FAM168A: variants seen among roughly 807,000 people sequenced by gnomAD.
FAM168A encodes family with sequence similarity 168 member A, also known as protein FAM168A.
Under a neutral mutation model 28.5 loss-of-function variants are expected in FAM168A, and 3 were observed. The observed-to-expected ratio is 0.11, with a 90% CI of 0.05 to 0.27. The LOEUF is 0.27. FAM168A is among the 10% of genes least tolerant of loss of function. The pLI is 1.00. For missense variants in FAM168A, 222 were observed against 311.5 expected (o/e 0.71, Z 2.16); for synonymous variants, 122 against 124.2 (o/e 0.98, Z 0.12).
rs557751873 is a variant in FAM168A at position 73,546,719 on chromosome 11, C to A, written c.-19+51204G>T. On this transcript the variant is annotated intron_variant, in intron 1 of 7. Coordinates refer to ENST00000356467, the MANE Select transcript of FAM168A (RefSeq NM_015159.3). ...TGCACTCTAGCCTGGGCAACAAGAGCGAAACTCCATCTCAAAAAAAAAAAA... is the reference window on the plus strand; with the variant it reads ...TGCACTCTAGCCTGGGCAACAAGAGAGAAACTCCATCTCAAAAAAAAAAAA... 2.4e-3 allele frequency among the ~76,000 whole-genome samples: 317 copies of A among 133,656 alleles called. 1 individual carries two copies. Among genetic ancestry groups the A allele is most frequent in the African/African-American group, 8.6e-3 (301 of 34,954 alleles). 87.7% of individuals were successfully genotyped at this position (133,656 alleles called of 152,430 possible).
chr11:73,530,261 C>A (rs116094562), intron 1 of FAM168A, among the ~76,000 whole-genome samples: 1 of 152,182 alleles, frequency 6.6e-6, no homozygotes, highest in Non-Finnish European at 1.5e-5. Flanking sequence ...CAGTTCCAAA[C>A]CAATTCTTCA....
At chr11:73,554,292 T>C (rs781639175) in intron 1 of FAM168A, among the ~76,000 whole-genome samples, 3 of 151,832 alleles carry the variant, frequency 2.0e-5, no homozygotes, top group Non-Finnish European at 4.4e-5. Context: ...ACAGAAGATC[T>C]CGAGCCCAGG....
rs764085458 is a variant in FAM168A at position 73,411,447 on chromosome 11, T to C, written c.367A>G (p.Thr123Ala). The C allele has an allele frequency of 4.3e-6, 7 of 1,613,202 alleles. No homozygotes were observed. The highest frequency in any genetic ancestry group is 5.9e-6 in the Non-Finnish European group (7 of 1,179,610). ...PYSPSPNPYQTAMYPIRSAYP... is the reference protein window; with the variant it reads ...PYSPSPNPYQAAMYPIRSAYP... ...GCACTTCTGATTGGATACATGGCCG[T>C]CTGATAGGGGTTGGGTGATGGGGAG... Residue 123 changes from threonine (T) to alanine (A), a missense_variant, in exon 5 of 8, where the codon ACG becomes GCG. Thr to Ala is a moderately conservative substitution (Grantham distance 58). This residue lies in a region of FAM168A where 153 missense variants were observed against 189.2 expected (regional missense o/e 0.81). Transcript: ENST00000356467.
chr11:73,459,418 G>A (rs1867601961), intron 2 of FAM168A, among the ~76,000 whole-genome samples: 1 of 151,266 alleles, frequency 6.6e-6, no homozygotes, highest in African/African-American at 2.4e-5. Flanking sequence ...CCTGGGAGGC[G>A]GAGCTTGCAG....
In FAM168A at chr11:73,401,343, C is replaced by G. The variant is rs989889318; in HGVS notation, c.*5420G>C. 3 of 152,122 alleles carry G rather than the reference C, an allele frequency of 2.0e-5. No homozygotes were observed. Among genetic ancestry groups the G allele is most frequent in the African/African-American group, 7.2e-5 (3 of 41,410 alleles). 9.4% of individuals were successfully genotyped at this position (152,122 alleles called of 1,614,324 possible). On this transcript the variant is annotated 3_prime_UTR_variant, in exon 8 of 8. Coordinates refer to ENST00000356467, the MANE Select transcript of FAM168A (RefSeq NM_015159.3). ...TTGGGCCTTTCAAGATTATTACAGA[C>G]AACTCCAAGTAGCTAGAGGCCTGGC...
At chr11:73,498,687 G>A (rs113076185) in intron 1 of FAM168A, among the ~76,000 whole-genome samples, 2,367 of 152,258 alleles carry the variant, frequency 0.016, 27 homozygotes, top group Non-Finnish European at 0.024. Flanking sequence ...GCTGGAGCCC[G>A]GGAGGCTGAA....
intron 2 of FAM168A, among the ~76,000 whole-genome samples, chr11:73,440,104 T>C (rs1292550928): frequency 6.6e-6 from 1 of 152,210 alleles, no homozygotes; most frequent in African/African-American, 2.4e-5. Context: ...CAGGCTGGTC[T>C]TGAACTCCTG....
chr11:73,579,561 C>T (rs575424309), intron 1 of FAM168A, among the ~76,000 whole-genome samples: 33 of 152,236 alleles, frequency 2.2e-4, no homozygotes, highest in African/African-American at 7.9e-4. Flanking sequence ...GTCAGTAAAG[C>T]ATAAATAACA....
At chr11:73,479,513 G>A (rs1867939162) in intron 1 of FAM168A, among the ~76,000 whole-genome samples, 1 of 152,138 alleles carries the variant, frequency 6.6e-6, no homozygotes, top group African/African-American at 2.4e-5. Context: ...AATTTGGGAA[G>A]GTTTGAGCAT....
chr11:73,501,844 G>A (rs1269078905), intron 1 of FAM168A, among the ~76,000 whole-genome samples: 2 of 152,184 alleles, frequency 1.3e-5, no homozygotes, highest in Non-Finnish European at 2.9e-5. Flanking sequence ...GCTCAAGCCT[G>A]TAATCCCAGC....
At chr11:73,561,478 T>G (rs550912477) in intron 1 of FAM168A, among the ~76,000 whole-genome samples, 1 of 152,148 alleles carries the variant, frequency 6.6e-6, no homozygotes, top group Non-Finnish European at 1.5e-5. Flanking sequence ...TATATATATA[T>G]TATTCTATTT....
intron 1 of FAM168A, among the ~76,000 whole-genome samples, chr11:73,535,180 C>G (rs2134669255): frequency 6.6e-6 from 1 of 151,670 alleles, no homozygotes; most frequent in South Asian, 2.1e-4. Context: ...CTTTTTTTTA[C>G]AGACAGGGTC....
At chr11:73,548,054 T>C (rs1372072091) in intron 1 of FAM168A, among the ~76,000 whole-genome samples, 1 of 152,136 alleles carries the variant, frequency 6.6e-6, no homozygotes, top group African/African-American at 2.4e-5. Context: ...AAACAAATAG[T>C]AAAATTGTGG....
At position 73,468,466 on chromosome 11, in the gene FAM168A, A is replaced by T. The variant is rs1829480304; in HGVS notation, c.9T>A (p.Pro3=). 3 of 1,614,016 alleles carry T rather than the reference A, an allele frequency of 1.9e-6. No individual in the cohort carries two copies. Among genetic ancestry groups the T allele is most frequent in the Non-Finnish European group, 2.5e-6 (3 of 1,179,982 alleles). Residue 3 remains proline, a synonymous_variant, in exon 2 of 8, where the codon CCT becomes CCA. Coordinates refer to ENST00000356467, the MANE Select transcript of FAM168A (RefSeq NM_015159.3). MN[P]VYSPVQPGAP... is the part of the protein sequence containing the mutation. Reference sequence around the variant, plus strand: ...CCCCAGGCTGCACGGGGCTGTAAACAGGGTTCATTGTGGAAGACTGAGGAT... The same window carrying T: ...CCCCAGGCTGCACGGGGCTGTAAACTGGGTTCATTGTGGAAGACTGAGGAT...
chr11:73,465,964 G>GGA lies in FAM168A; in HGVS notation c.70+2439_70+2440dup, dbSNP rs3073508. Among the ~76,000 whole-genome samples, 872 of 149,434 alleles carry GGA rather than the reference G, an allele frequency of 5.8e-3. 6 individuals are homozygous for GGA. The highest frequency in any genetic ancestry group is 0.016 in the African/African-American group (646 of 40,836). On this transcript the variant is annotated intron_variant, in intron 2 of 7. Coordinates refer to ENST00000356467, the MANE Select transcript of FAM168A (RefSeq NM_015159.3). ...GTACTCGGTAAAGGGGCTTTAAAAGGGAGAGAGAGAGAGAGAGAGAGAAAG... is the reference window on the plus strand; with the variant it reads ...GTACTCGGTAAAGGGGCTTTAAAAGGGAGAGAGAGAGAGAGAGAGAGAGAAAG...
In FAM168A at chr11:73,408,781, A is replaced by C. The variant is rs564695884; in HGVS notation, c.595+706T>G. Among the ~76,000 whole-genome samples the C allele has an allele frequency of 2.2e-3, 248 of 110,416 alleles. 2 individuals are homozygous for C. The highest frequency in any genetic ancestry group is 7.6e-3 in the African/African-American group (238 of 31,430). 72.4% of individuals were successfully genotyped at this position (110,416 alleles called of 152,430 possible). On this transcript the variant is annotated intron_variant, in intron 6 of 7. Coordinates refer to ENST00000356467, the MANE Select transcript of FAM168A (RefSeq NM_015159.3). ...GGGTGACAAAGCAAGACCCTGTCTC[A>C]AAAAAAAAAAAAAAAAACCTAACAG... is the stretch of plus-strand genomic sequence containing the variant.
At chr11:73,417,775 G>A (rs1411764805) in intron 4 of FAM168A, among the ~76,000 whole-genome samples, 1 of 152,058 alleles carries the variant, frequency 6.6e-6, no homozygotes, top group Non-Finnish European at 1.5e-5. Context: ...TGGCCAGGAT[G>A]GTCTCGATCT....
chr11:73,482,461 A>G (rs1352577995), intron 1 of FAM168A, among the ~76,000 whole-genome samples: 1 of 152,166 alleles, frequency 6.6e-6, no homozygotes, highest in South Asian at 2.1e-4. Context: ...TTTGCTGGTC[A>G]TAAGTCTTCC....
chr11:73,499,254 C>G (rs996583879), intron 1 of FAM168A, among the ~76,000 whole-genome samples: 10 of 152,052 alleles, frequency 6.6e-5, no homozygotes, highest in African/African-American at 2.4e-4. Flanking sequence ...CAAACTGCAG[C>G]AGCCCTACCT....
Sources: gnomAD v4.1 joint callset for allele counts (sites outside exome capture counted in the v4.1 genomes callset) on GRCh38, gnomAD v4.1.1 for gene constraint, gnomAD v4.1.1 regional missense constraint, MANE v1.5 for transcripts, NCBI Gene and HGNC (gene_info 2026-07-23, HGNC 2026-07-21) for gene names.